LUZP2: variants seen among roughly 807,000 people sequenced by gnomAD.
LUZP2 encodes the protein leucine zipper protein 2.
In LUZP2, 52 loss-of-function variants were observed where a neutral mutation model predicts 51.6. The ratio of observed to expected loss-of-function variants is 1.01; its 90% CI spans 0.81 to 1.27. The LOEUF (loss-of-function observed/expected upper bound fraction) is 1.27, where lower values mean the gene tolerates loss of function less well. LUZP2 is among the 50% of genes most tolerant of loss of function. The pLI, the probability that LUZP2 is intolerant of heterozygous loss-of-function variation, is 0.00. For synonymous variants in LUZP2, 154 were observed against 137.3 expected (o/e 1.12, Z -0.85); for missense variants, 436 against 395.4 (o/e 1.10, Z -0.87).
chr11:24,985,919 A>T (rs559889901), intron 9 of LUZP2, among the ~76,000 whole-genome samples: 1 of 151,740 alleles, frequency 6.6e-6, no homozygotes. Flanking sequence ...GTATGGAGTG[A>T]AAAGAGATGA....
intron 7 of LUZP2, among the ~76,000 whole-genome samples, chr11:24,920,021 T>G (rs1853983557): frequency 1.3e-5 from 2 of 151,846 alleles, no homozygotes; most frequent in South Asian, 4.1e-4. Flanking sequence ...AGTAAAATGA[T>G]TATTTTGATT....
chr11:25,022,622 A>G (rs1479629435), intron 9 of LUZP2, among the ~76,000 whole-genome samples: 1 of 152,092 alleles, frequency 6.6e-6, no homozygotes, highest in Non-Finnish European at 1.5e-5. Flanking sequence ...AAAAACTATT[A>G]TTATTAGAAA....
intron 1 of LUZP2, among the ~76,000 whole-genome samples, chr11:24,508,658 G>T (rs191157806): frequency 6.6e-6 from 1 of 152,088 alleles, no homozygotes; most frequent in African/African-American, 2.4e-5. Flanking sequence ...TGTGATTCCA[G>T]GTAGCTGTCT....
chr11:24,714,162 G>A (rs1036049712), intron 1 of LUZP2, among the ~76,000 whole-genome samples: 11 of 151,998 alleles, frequency 7.2e-5, no homozygotes, highest in Non-Finnish European at 1.3e-4. Flanking sequence ...GGCAAGAAGA[G>A]GGAGAGCATT....
At position 24,747,818 on chromosome 11, in the gene LUZP2, A is replaced by T. The variant is rs1009000619; in HGVS notation, c.333+9516A>T. Among the ~76,000 whole-genome samples, 149 of 152,026 alleles carry T rather than the reference A, an allele frequency of 9.8e-4. 1 individual carries two copies. The highest frequency in any genetic ancestry group is 2.0e-3 in the Non-Finnish European group (136 of 67,980). Reference sequence around the variant, plus strand: ...TATGGCTACCTCTGCTGAGTCATGCAGGTTGTTGGGTAAGTGGAGAAAAGC... The same window carrying T: ...TATGGCTACCTCTGCTGAGTCATGCTGGTTGTTGGGTAAGTGGAGAAAAGC... On this transcript the variant is annotated intron_variant, in intron 4 of 11. Transcript: ENST00000336930.
At chr11:24,897,975 G>T (rs1853138930) in intron 5 of LUZP2, among the ~76,000 whole-genome samples, 2 of 152,036 alleles carry the variant, frequency 1.3e-5, no homozygotes, top group African/African-American at 4.8e-5. Flanking sequence ...ATTGGCAGTT[G>T]AAATTTGTAT....
intron 5 of LUZP2, among the ~76,000 whole-genome samples, chr11:24,781,154 T>C (rs1193433083): frequency 6.6e-6 from 1 of 152,122 alleles, no homozygotes; most frequent in African/African-American, 2.4e-5. Context: ...CTCTTATTTT[T>C]ATTTCATTAT....
At chr11:24,993,119 G>A (rs550575551) in intron 9 of LUZP2, among the ~76,000 whole-genome samples, 110 of 152,120 alleles carry the variant, frequency 7.2e-4, no homozygotes, top group African/African-American at 2.6e-3. Flanking sequence ...CTAAAAATTA[G>A]AAACATGGTA....
At chr11:24,764,550 G>A (rs1454665778) in intron 5 of LUZP2, among the ~76,000 whole-genome samples, 3 of 149,166 alleles carry the variant, frequency 2.0e-5, no homozygotes, top group African/African-American at 7.4e-5. Context: ...TGTAGTCCCA[G>A]CTTCTTACGA....
chr11:24,968,415 A>G (rs2133891798), intron 7 of LUZP2, among the ~76,000 whole-genome samples: 1 of 152,282 alleles, frequency 6.6e-6, no homozygotes, highest in South Asian at 2.1e-4. Flanking sequence ...TGTGGGCTGT[A>G]GTTTGCCAAC....
At chr11:24,608,694 A>AT (rs1854017780) in intron 1 of LUZP2, among the ~76,000 whole-genome samples, 1 of 152,180 alleles carries the variant, frequency 6.6e-6, no homozygotes, top group East Asian at 1.9e-4. Flanking sequence ...ACACAAATTG[A>AT]TTTTTTGTAT....
chr11:25,043,824 A>C (rs1858158131), intron 9 of LUZP2, among the ~76,000 whole-genome samples: 1 of 147,378 alleles, frequency 6.8e-6, no homozygotes, highest in African/African-American at 2.5e-5. Flanking sequence ...AAAGTACATA[A>C]ATTGCAGTGT....
At chr11:24,656,734 T>C (rs889009724) in intron 1 of LUZP2, among the ~76,000 whole-genome samples, 2 of 152,198 alleles carry the variant, frequency 1.3e-5, no homozygotes, top group Non-Finnish European at 2.9e-5. Context: ...GCTCCTTTTC[T>C]CCAACTTTAA....
chr11:24,744,828 T>A (rs1436821944), intron 4 of LUZP2, among the ~76,000 whole-genome samples: 1 of 152,104 alleles, frequency 6.6e-6, no homozygotes, highest in Non-Finnish European at 1.5e-5. Flanking sequence ...TTTCAGTCTT[T>A]CTGATGTAGG....
intron 1 of LUZP2, among the ~76,000 whole-genome samples, chr11:24,560,761 T>C (rs16912825): frequency 0.014 from 2,160 of 152,318 alleles, 41 homozygotes; most frequent in South Asian, 0.06. Context: ...AAGGGAGTAT[T>C]ACAACAGTCC....
At chr11:24,650,146 G>A (rs549630433) in intron 1 of LUZP2, among the ~76,000 whole-genome samples, 1 of 151,714 alleles carries the variant, frequency 6.6e-6, no homozygotes, top group Non-Finnish European at 1.5e-5. Flanking sequence ...TGTAGATGTG[G>A]TAATGTTTCC....
At chr11:24,948,346 A>C (rs535012795) in intron 7 of LUZP2, among the ~76,000 whole-genome samples, 2 of 150,966 alleles carry the variant, frequency 1.3e-5, no homozygotes, top group South Asian at 4.2e-4. Flanking sequence ...TAATTACTTA[A>C]ATATTATTTT....
chr11:24,556,893 A>C (rs1014980002), intron 1 of LUZP2, among the ~76,000 whole-genome samples: 1 of 151,996 alleles, frequency 6.6e-6, no homozygotes, highest in African/African-American at 2.4e-5. Context: ...TACTAATTTC[A>C]CTTCCCTAAA....
At chr11:24,815,745 T>G (rs1850161235) in intron 5 of LUZP2, among the ~76,000 whole-genome samples, 1 of 152,054 alleles carries the variant, frequency 6.6e-6, no homozygotes, top group African/African-American at 2.4e-5. Context: ...TCATCGTGGG[T>G]TTTCAAGTAT....
Sources: gnomAD v4.1 joint callset for allele counts (sites outside exome capture counted in the v4.1 genomes callset) on GRCh38, gnomAD v4.1.1 for gene constraint, MANE v1.5 for transcripts, NCBI Gene and HGNC (gene_info 2026-07-23, HGNC 2026-07-21) for gene names.